Variants in FARSB observed in about 807,000 individuals in gnomAD.
FARSB encodes the protein phenylalanyl-tRNA synthetase subunit beta, also known as phenylalanine--tRNA ligase beta subunit.
A neutral mutation model predicts 69.6 loss-of-function variants in FARSB; 40 were observed. The ratio of observed to expected loss-of-function variants is 0.57; its 90% CI spans 0.45 to 0.75. The LOEUF (loss-of-function observed/expected upper bound fraction) is 0.75, where lower values mean the gene tolerates loss of function less well. Ranked by LOEUF, FARSB falls within the 30% of genes least tolerant of loss-of-function variation. The pLI is 0.00. For synonymous variants in FARSB, 235 were observed against 247.2 expected, an observed-to-expected ratio of 0.95 and a Z score of 0.46; for missense variants, 632 against 722.9, an observed-to-expected ratio of 0.87 and a Z score of 1.44.
rs116660520 is a variant in FARSB at position 222,632,997 on chromosome 2, G to A, written c.715+202C>T. ...CATCAGAAAATATTTATAAATGTATGAGCATAAGTTACATAAGAATCACCA... is the reference window on the plus strand; with the variant it reads ...CATCAGAAAATATTTATAAATGTATAAGCATAAGTTACATAAGAATCACCA... On this transcript the variant is annotated intron_variant, in intron 7 of 16. Coordinates refer to ENST00000281828, the MANE Select transcript of FARSB (RefSeq NM_005687.5). Among the ~76,000 whole-genome samples the A allele has an allele frequency of 7.9e-3, 1,199 of 152,202 alleles. 15 individuals carry two copies. Among genetic ancestry groups the A allele is most frequent in the African/African-American group, 0.027 (1,109 of 41,522 alleles).
intron 10 of FARSB, among the ~76,000 whole-genome samples, chr2:222,627,217 G>A (rs1691300072): frequency 6.6e-6 from 1 of 152,142 alleles, no homozygotes; most frequent in Admixed American, 6.5e-5. Context: ...TTCCAATCAG[G>A]AGATGACATC....
chr2:222,644,406 A>T (rs1441053939), intron 2 of FARSB: 1 of 361,584 alleles, frequency 2.8e-6, no homozygotes, highest in Non-Finnish European at 5.7e-6. Context: ...GAAGGAGTAA[A>T]AAGGGGGAAA....
At chr2:222,574,032 A>G (rs532916202) in intron 16 of FARSB, among the ~76,000 whole-genome samples, 2 of 152,322 alleles carry the variant, frequency 1.3e-5, no homozygotes, top group South Asian at 4.1e-4. Flanking sequence ...TTTCATTTTT[A>G]CAAGCATAAA....
chr2:222,655,050 T>C (rs576593986), intron 1 of FARSB, among the ~76,000 whole-genome samples: 1 of 151,678 alleles, frequency 6.6e-6, no homozygotes, highest in Admixed American at 6.6e-5. Context: ...ACAAAAAAAT[T>C]ACTCGGGCGC....
At chr2:222,590,251 A>C (rs546995767) in intron 16 of FARSB, among the ~76,000 whole-genome samples, 4 of 152,256 alleles carry the variant, frequency 2.6e-5, no homozygotes, top group Middle Eastern at 3.4e-3. Context: ...CATTCTCAGC[A>C]AACTATTGCA....
rs924699733 is a variant in FARSB, at chr2:222,619,030, T to TA, written c.1344+614dup. Among the ~76,000 whole-genome samples the TA allele has an allele frequency of 1.4e-3, 219 of 151,438 alleles. 1 individual carries two copies. Among genetic ancestry groups the TA allele is most frequent in the Admixed American group, 0.013 (191 of 15,234 alleles). On this transcript the variant is annotated intron_variant, in intron 14 of 16. Transcript: ENST00000281828. ...AGTGGCGGGCGCCTGTAGTCCCAGC[T>TA]ACTTGGGAGGCTGAGGCAGGAGAAT...
intron 15 of FARSB, among the ~76,000 whole-genome samples, chr2:222,611,353 C>T (rs771165630): frequency 2.0e-5 from 3 of 148,476 alleles, no homozygotes; most frequent in Non-Finnish European, 4.4e-5. Flanking sequence ...ACTGCAGAAA[C>T]GCAAATCTAA....
At chr2:222,573,558 T>C (rs925631235) in intron 16 of FARSB, among the ~76,000 whole-genome samples, 2 of 152,152 alleles carry the variant, frequency 1.3e-5, no homozygotes, top group African/African-American at 4.8e-5. Flanking sequence ...TTTAATTCTA[T>C]CAAAATAAAT....
intron 4 of FARSB, 100 bp downstream of exon 4, chr2:222,640,762 A>G: frequency 1.5e-6 from 1 of 653,764 alleles, no homozygotes; most frequent in Non-Finnish European, 2.6e-6. Context: ...TCTCAAAACA[A>G]AAAAAAAAGA....
At chr2:222,635,775 A>G (rs971616235) in intron 5 of FARSB, among the ~76,000 whole-genome samples, 11 of 152,202 alleles carry the variant, frequency 7.2e-5, no homozygotes, top group Non-Finnish European at 1.5e-4. Context: ...GACACCATAA[A>G]AATTATTCAA....
Position 222,571,476 on chromosome 2 carries a change from A to G in FARSB, c.*395T>C, listed in dbSNP as rs1006264578. The G allele has an allele frequency of 1.9e-5, 3 of 155,240 alleles. No individual in the cohort carries two copies. Among genetic ancestry groups the G allele is most frequent in the African/African-American group, 7.2e-5 (3 of 41,544 alleles). The allele number at this position is 155,240 out of a possible 1,614,324, so 9.6% of individuals were successfully genotyped here. ...CCCCTCAGTTATCTCGAACTCATGC[A>G]ACATGAATTCTCATCGATTATCTTG... On this transcript the variant is annotated 3_prime_UTR_variant, in exon 17 of 17. Transcript: ENST00000281828.
At chr2:222,642,278 G>C (rs1691741972) in intron 3 of FARSB, among the ~76,000 whole-genome samples, 1 of 152,186 alleles carries the variant, frequency 6.6e-6, no homozygotes, top group African/African-American at 2.4e-5. Flanking sequence ...TGGGATTATG[G>C]GCATGAGCCA....
At chr2:222,577,512 T>C (rs1177987977) in intron 16 of FARSB, among the ~76,000 whole-genome samples, 2 of 152,134 alleles carry the variant, frequency 1.3e-5, no homozygotes, top group African/African-American at 2.4e-5. Context: ...CCCCACAGCA[T>C]GGAACTCAGG....
At position 222,653,433 on chromosome 2, in the gene FARSB, A is replaced by G. The variant is rs1205435542; in HGVS notation, c.58+2583T>C. On this transcript the variant is annotated intron_variant, in intron 1 of 16. Transcript: ENST00000281828. ...AAGAAAAAAAGAGGAAGACTGGGGA[A>G]AAAAAAAAAAGGTAAGAAACAAGAT... Among the ~76,000 whole-genome samples, 194 of 148,670 alleles carry G rather than the reference A, an allele frequency of 1.3e-3. 1 individual carries two copies. The highest frequency in any genetic ancestry group is 1.7e-3 in the Non-Finnish European group (111 of 67,234).
chr2:222,586,067 T>A (rs919428563), intron 16 of FARSB, among the ~76,000 whole-genome samples: 1 of 152,062 alleles, frequency 6.6e-6, no homozygotes, highest in East Asian at 1.9e-4. Context: ...ATTGTCAGAT[T>A]CACCAAGGGT....
intron 1 of FARSB, among the ~76,000 whole-genome samples, chr2:222,651,956 A>C (rs1353045058): frequency 6.6e-6 from 1 of 152,226 alleles, no homozygotes; most frequent in Non-Finnish European, 1.5e-5. Flanking sequence ...CTTCAGACCT[A>C]ATCAAGAACA....
intron 16 of FARSB, among the ~76,000 whole-genome samples, chr2:222,598,941 TA>T (rs34617984): frequency 1.6e-3 from 233 of 145,450 alleles, no homozygotes; most frequent in African/African-American, 1.5e-3. Flanking sequence ...CTCATTTATT[TA>T]AAAAAAAAAA....
chr2:222,631,317 T>C (rs1204974588), intron 8 of FARSB, among the ~76,000 whole-genome samples: 1 of 152,160 alleles, frequency 6.6e-6, no homozygotes, highest in Non-Finnish European at 1.5e-5. Context: ...TAGTTACGTA[T>C]ATGACTAACT....
chr2:222,568,096 G>A lies in FARSB; in HGVS notation c.*3775C>T, dbSNP rs980869709. 4 of 151,526 alleles carry A rather than the reference G, an allele frequency of 2.6e-5. No individual in the cohort carries two copies. The highest frequency in any genetic ancestry group is 9.8e-5 in the African/African-American group (4 of 40,834). 9.4% of individuals were successfully genotyped at this position (151,526 alleles called of 1,614,324 possible). ...GACCCCCAAAAATGTGAGCAGGTGT[G>A]TGTGGCTGACTGTACAAATCAAGGA... is the stretch of plus-strand genomic sequence containing the variant. On this transcript the variant is annotated 3_prime_UTR_variant, in exon 17 of 17. Coordinates refer to ENST00000281828, the MANE Select transcript of FARSB (RefSeq NM_005687.5). This position sits in a 1 kb window ranked among gnomAD's most constrained non-coding sequence, Gnocchi z 4.3.
Sources: gnomAD v4.1 joint callset for allele counts (sites outside exome capture counted in the v4.1 genomes callset) on GRCh38, gnomAD v4.1.1 for gene constraint, Gnocchi (gnomAD v3.1) non-coding constraint, MANE v1.5 for transcripts, NCBI Gene and HGNC (gene_info 2026-07-23, HGNC 2026-07-21) for gene names.